The following PLCB1 variants were observed in gnomAD, a reference collection of about 807,000 sequenced individuals.
PLCB1 encodes 1-phosphatidylinositol 4,5-bisphosphate phosphodiesterase beta-1.
PLCB1 carries 46 observed loss-of-function variants against 161.8 expected under a neutral mutation model. The observed-to-expected ratio is 0.28, with a 90% CI of 0.22 to 0.36. The LOEUF (loss-of-function observed/expected upper bound fraction) is 0.36, where lower values mean the gene tolerates loss of function less well. PLCB1 is among the 10% of genes least tolerant of loss of function. The pLI is 1.00. For missense variants in PLCB1, 1,016 were observed against 1,472.5 expected, an observed-to-expected ratio of 0.69 and a Z score of 5.07; for synonymous variants, 517 against 503.7, an observed-to-expected ratio of 1.03 and a Z score of -0.35.
At chr20:8,640,761 C>T (rs1988927246) in intron 4 of PLCB1, among the ~76,000 whole-genome samples, 1 of 152,162 alleles carries the variant, frequency 6.6e-6, no homozygotes, top group Non-Finnish European at 1.5e-5. Flanking sequence ...ACCTGAGACT[C>T]CCAGTGATAC....
At chr20:8,741,109 A>G (rs1357449118) in intron 22 of PLCB1, among the ~76,000 whole-genome samples, 2 of 152,218 alleles carry the variant, frequency 1.3e-5, no homozygotes, top group Non-Finnish European at 2.9e-5. Flanking sequence ...GCCGGAATGG[A>G]TGGGACCTTC....
chr20:8,512,968 T>C (rs999700446), intron 3 of PLCB1, among the ~76,000 whole-genome samples: 5 of 152,168 alleles, frequency 3.3e-5, no homozygotes, highest in African/African-American at 9.7e-5. Flanking sequence ...TCCCAACGTC[T>C]GGTAGCTACC....
chr20:8,494,044 G>T (rs560542607), intron 3 of PLCB1, among the ~76,000 whole-genome samples: 56 of 146,230 alleles, frequency 3.8e-4, no homozygotes, highest in African/African-American at 1.5e-3. Flanking sequence ...ACCTCAGGTA[G>T]TAGCCCTTAC....
chr20:8,696,692 G>A lies in PLCB1; in HGVS notation c.1010-934G>A, dbSNP rs574305669. On this transcript the variant is annotated intron_variant, in intron 10 of 31. Transcript: ENST00000338037. ...TTTCAACAACATTTTGTAATTATTA[G>A]AGAATAAGTTTTGCGATCCTTTGTT... Among the ~76,000 whole-genome samples, 10 of 152,164 alleles carry A rather than the reference G, an allele frequency of 6.6e-5. 1 individual carries two copies. The highest frequency in any genetic ancestry group is 2.2e-4 in the African/African-American group (9 of 41,546).
At chr20:8,669,416 T>C (rs1989891831) in intron 9 of PLCB1, among the ~76,000 whole-genome samples, 1 of 152,226 alleles carries the variant, frequency 6.6e-6, no homozygotes, top group Non-Finnish European at 1.5e-5. Context: ...AGCGAGTCTT[T>C]GGATGGTCCA....
At chr20:8,214,471 G>A (rs967778500) in intron 2 of PLCB1, among the ~76,000 whole-genome samples, 1 of 151,976 alleles carries the variant, frequency 6.6e-6, no homozygotes, top group African/African-American at 2.4e-5. Context: ...TAACCTTCCT[G>A]AGGCCTCCTC....
chr20:8,684,821 T>C, intron 9 of PLCB1, 111 bp from the exon 10 acceptor site: 1 of 690,878 alleles, frequency 1.4e-6, no homozygotes, highest in South Asian at 2.2e-5. Context: ...CATACTAAAA[T>C]GTCTTCTACC....
At chr20:8,551,857 A>AT (rs1985787035) in intron 3 of PLCB1, among the ~76,000 whole-genome samples, 2 of 152,130 alleles carry the variant, frequency 1.3e-5, no homozygotes, top group Admixed American at 6.5e-5. Flanking sequence ...TCAGGCTTAA[A>AT]TTTTTTCTGC....
At chr20:8,140,935 A>ATTACAGGC (rs2051396457) in intron 1 of PLCB1, among the ~76,000 whole-genome samples, 1 of 151,968 alleles carries the variant, frequency 6.6e-6, no homozygotes, top group African/African-American at 2.4e-5. Context: ...AGTAGCTGAG[A>ATTACAGGC]TTACAGGCTT....
intron 23 of PLCB1, among the ~76,000 whole-genome samples, chr20:8,745,564 T>C (rs1424811637): frequency 1.3e-5 from 2 of 152,046 alleles, no homozygotes; most frequent in Non-Finnish European, 2.9e-5. Context: ...AGATATTTAT[T>C]TCAGATAAGG....
intron 3 of PLCB1, among the ~76,000 whole-genome samples, chr20:8,376,936 A>G (rs1310085177): frequency 6.6e-6 from 1 of 152,044 alleles, no homozygotes; most frequent in Non-Finnish European, 1.5e-5. Context: ...TCAAAAAAAA[A>G]AAAGAAAAAG....
At chr20:8,785,463 A>G (rs1462860503) in intron 27 of PLCB1, among the ~76,000 whole-genome samples, 2 of 152,186 alleles carry the variant, frequency 1.3e-5, no homozygotes, top group Admixed American at 6.5e-5. Context: ...GCTATTTAGT[A>G]GGTGCTTAAT....
intron 2 of PLCB1, among the ~76,000 whole-genome samples, chr20:8,165,355 T>C (rs2051664524): frequency 1.3e-5 from 2 of 152,188 alleles, no homozygotes; most frequent in Admixed American, 1.3e-4. Flanking sequence ...GGACAAACTA[T>C]CACATGAATT....
At chr20:8,628,249 G>C in intron 3 of PLCB1, 45 bp from the exon 4 acceptor site, 1 of 1,443,232 alleles carries the variant, frequency 6.9e-7, no homozygotes, top group Non-Finnish European at 9.8e-7. Flanking sequence ...TATCACGTTG[G>C]AATCTCTAGT....
At chr20:8,667,170 T>C (rs1464414096) in intron 9 of PLCB1, among the ~76,000 whole-genome samples, 2 of 152,210 alleles carry the variant, frequency 1.3e-5, no homozygotes, top group Non-Finnish European at 2.9e-5. Context: ...AACTATATGA[T>C]GTAGCCAATG....
chr20:8,141,106 T>A (rs887537524), intron 1 of PLCB1, among the ~76,000 whole-genome samples: 1 of 152,164 alleles, frequency 6.6e-6, no homozygotes, highest in African/African-American at 2.4e-5. Flanking sequence ...AACAAAAAGC[T>A]TTTAATAGAG....
rs1315664172 is a variant in PLCB1 at position 8,230,231 on chromosome 20, G to C, written c.177+79860G>C. Among the ~76,000 whole-genome samples, 4 of 152,014 alleles carry C rather than the reference G, an allele frequency of 2.6e-5. No individual in the cohort carries two copies. The South Asian group carries it at 6.2e-4, about 24-fold the overall frequency. On this transcript the variant is annotated intron_variant, in intron 2 of 31. Transcript: ENST00000338037. ...CTAGGACAATCTAAAGTCCAAATCT[G>C]ATCAGACTATCCTACTAATCCTTTT...
At chr20:8,432,298 A>G (rs180859589) in intron 3 of PLCB1, among the ~76,000 whole-genome samples, 1 of 152,302 alleles carries the variant, frequency 6.6e-6, no homozygotes, top group Non-Finnish European at 1.5e-5. Context: ...CCCCCGCTGC[A>G]AACAGCACCA....
chr20:8,572,976 C>A (rs1986568189), intron 3 of PLCB1, among the ~76,000 whole-genome samples: 1 of 152,072 alleles, frequency 6.6e-6, no homozygotes, highest in Non-Finnish European at 1.5e-5. Flanking sequence ...GTGAGACCAC[C>A]TACAGGGAGT....
Sources: allele counts gnomAD v4.1 joint callset (sites outside exome capture counted in the v4.1 genomes callset), GRCh38; gene constraint gnomAD v4.1.1; transcripts MANE v1.5; gene names NCBI Gene and HGNC (gene_info 2026-07-23, HGNC 2026-07-21).